Variants in TEX9 observed in about 807,000 individuals in gnomAD.
TEX9 encodes the protein testis expressed 9.
TEX9 carries 74 observed loss-of-function variants against 59.6 expected under a neutral mutation model. The observed-to-expected ratio is 1.24, with a 90% CI of 1.03 to 1.51. The LOEUF (loss-of-function observed/expected upper bound fraction) is 1.51, where lower values mean the gene tolerates loss of function less well. Ranked by LOEUF, TEX9 falls within the 40% of genes most tolerant of loss-of-function variation. The probability of loss-of-function intolerance (pLI) is 0.00; values close to 1 mark genes in which losing one functional copy is unlikely to be tolerated. For synonymous variants in TEX9, 186 were observed against 152.2 expected (o/e 1.22, Z -1.64); for missense variants, 522 against 447.8 (o/e 1.17, Z -1.49).
chr15:56,394,440 C>A, intron 8 of TEX9, 193 bp downstream of exon 8: 1 of 625,924 alleles, frequency 1.6e-6, no homozygotes, highest in South Asian at 2.5e-5. Context: ...TAAATTCTTG[C>A]TACAATTAGA....
chr15:56,366,970 T>C (rs1474998396), intron 2 of TEX9, among the ~76,000 whole-genome samples: 2 of 152,218 alleles, frequency 1.3e-5, no homozygotes, highest in African/African-American at 2.4e-5. Context: ...TAGTTCTTTA[T>C]CAGCTATGCC....
upstream of TEX9, among the ~76,000 whole-genome samples, chr15:56,362,476 G>C (rs1262018462): frequency 6.6e-6 from 1 of 152,112 alleles, no homozygotes; most frequent in African/African-American, 2.4e-5. Context: ...GCTTCCTTTT[G>C]ATTAGTGCTA....
intron 9 of TEX9, among the ~76,000 whole-genome samples, chr15:56,404,879 A>G: frequency 6.6e-6 from 1 of 152,162 alleles, no homozygotes; most frequent in Non-Finnish European, 1.5e-5. Context: ...AACTATCACA[A>G]GGACAGAAAA....
intron 1 of TEX9, among the ~76,000 whole-genome samples, chr15:56,316,201 C>T (rs1255900223): frequency 2.0e-5 from 3 of 148,634 alleles, no homozygotes; most frequent in East Asian, 2.0e-4. Flanking sequence ...TAAGGAACTG[C>T]GTTCCTTTGG....
intron 1 of TEX9, among the ~76,000 whole-genome samples, chr15:56,268,794 G>A (rs56305850): frequency 0.069 from 10,550 of 151,842 alleles, 459 homozygotes; most frequent in Non-Finnish European, 0.1. Context: ...CTCTTTTTTT[G>A]TTATGTCTCT....
chr15:56,256,377 G>T (rs1215183258), intron 1 of TEX9, among the ~76,000 whole-genome samples: 1 of 151,956 alleles, frequency 6.6e-6, no homozygotes, highest in Non-Finnish European at 1.5e-5. Context: ...GAATGACAGT[G>T]AAAACAATAC....
chr15:56,452,148 T>C, the TEX9 span, among the ~76,000 whole-genome samples: 2 of 152,152 alleles, frequency 1.3e-5, no homozygotes, highest in Non-Finnish European at 2.9e-5. Flanking sequence ...AAGACCACCA[T>C]CAGGTTAGAT....
At position 56,444,524 on chromosome 15, in the gene TEX9, C is replaced by CT. The variant is rs549395315; in HGVS notation, c.*30-1137dup. ...TTAGCAGCTGCTCATAAGCTTCCTG[C>CT]TTTTTTTTTTCTTGTTCTTCAAGTT... is the stretch of plus-strand genomic sequence containing the variant. On this transcript the variant is annotated intron_variant, in intron 12 of 12. Coordinates refer to ENST00000352903, the Ensembl canonical transcript of TEX9. The CT allele has an allele frequency of 5.0e-4, 740 of 1,474,340 alleles. No individual in the cohort carries two copies. The highest frequency in any genetic ancestry group is 9.3e-4 in the Admixed American group (51 of 54,972). 91.3% of individuals were successfully genotyped at this position (1,474,340 alleles called of 1,614,324 possible). A position where few individuals can be genotyped will look rare whatever the true frequency, so the allele number is the denominator to read the frequency against.
intron 1 of TEX9, among the ~76,000 whole-genome samples, chr15:56,346,273 TA>T (rs1225831836): frequency 6.6e-6 from 1 of 152,110 alleles, no homozygotes; most frequent in Non-Finnish European, 1.5e-5. Context: ...TGAGCTCAAG[TA>T]TGATTTGGGG....
chr15:56,391,272 C>G (rs748794626), exon 7 of TEX9: 1 of 1,575,580 alleles, frequency 6.3e-7, no homozygotes, highest in Non-Finnish European at 8.6e-7. Context: ...GATGTCCAAA[C>G]TGCCGACGAT....
intron 1 of TEX9, among the ~76,000 whole-genome samples, chr15:56,321,096 C>T (rs956700179): frequency 1.3e-5 from 2 of 152,144 alleles, no homozygotes; most frequent in East Asian, 1.9e-4. Context: ...TTATTTCCTA[C>T]TTGTGGGAAA....
At chr15:56,251,092 C>G (rs1368099642) in intron 1 of TEX9, among the ~76,000 whole-genome samples, 2 of 152,120 alleles carry the variant, frequency 1.3e-5, no homozygotes, top group Non-Finnish European at 2.9e-5. Flanking sequence ...TGTCTCCTTT[C>G]CAAGAATAGA....
At chr15:56,279,515 A>G (rs538272218) in intron 1 of TEX9, among the ~76,000 whole-genome samples, 1 of 152,206 alleles carries the variant, frequency 6.6e-6, no homozygotes, top group Non-Finnish European at 1.5e-5. Flanking sequence ...GAGTTTGCTA[A>G]TAGATAGTGT....
intron 1 of TEX9, among the ~76,000 whole-genome samples, chr15:56,339,383 CAAAAAAAAAA>C (rs71456382): frequency 6.8e-4 from 21 of 30,772 alleles, no homozygotes; most frequent in African/African-American, 1.9e-3. Context: ...ACTCCTTCTC[CAAAAAAAAAA>C]AAAAAAAAAA....
intron 1 of TEX9, among the ~76,000 whole-genome samples, chr15:56,275,205 C>T (rs1378672514): frequency 2.0e-5 from 3 of 152,180 alleles, no homozygotes; most frequent in Non-Finnish European, 4.4e-5. Flanking sequence ...GAAGTTTTTT[C>T]ATCCCCAGCT....
intron 1 of TEX9, among the ~76,000 whole-genome samples, chr15:56,330,554 A>C (rs8042687): frequency 0.026 from 4,007 of 152,248 alleles, 170 homozygotes; most frequent in African/African-American, 0.092. Context: ...AAATTTTATT[A>C]GTTTTCTTTT....
At position 56,388,534 on chromosome 15, in the gene TEX9, CT is replaced by C. The variant is rs1368465474; in HGVS notation, c.312+17del. ...TCAGAAACTAAGGTATGAAATCAAA[CT>C]TTCTGTGAATGCAATTATATTCTGT... On this transcript the variant is annotated intron_variant, in intron 5 of 12. Coordinates refer to ENST00000352903, the Ensembl canonical transcript of TEX9. The C allele has an allele frequency of 6.2e-7, 1 of 1,607,726 alleles. No individual in the cohort carries two copies. Among genetic ancestry groups the C allele is most frequent in the South Asian group, 1.1e-5 (1 of 90,870 alleles).
At chr15:56,412,245 TA>T in intron 9 of TEX9, 56 bp from the exon 10 acceptor site, 1 of 1,508,636 alleles carries the variant, frequency 6.6e-7, no homozygotes, top group Non-Finnish European at 9.0e-7. Flanking sequence ...TGCAAAATGA[TA>T]AAGGGGGAAA....
intron 1 of TEX9, among the ~76,000 whole-genome samples, chr15:56,344,973 C>A (rs1296214766): frequency 6.7e-6 from 1 of 149,972 alleles, no homozygotes; most frequent in Non-Finnish European, 1.5e-5. Context: ...GTATCTTCAC[C>A]TTGTTTGTCT....
Sources: allele counts gnomAD v4.1 joint callset (sites outside exome capture counted in the v4.1 genomes callset), GRCh38; gene constraint gnomAD v4.1.1; transcripts MANE v1.5; gene names NCBI Gene and HGNC (gene_info 2026-07-23, HGNC 2026-07-21).